The following CDH18 variants were observed in gnomAD, a reference collection of about 807,000 sequenced individuals.
CDH18 encodes the protein cadherin-18.
Under a neutral mutation model 67.9 loss-of-function variants are expected in CDH18, and 31 were observed. The observed-to-expected ratio is 0.46, with a 90% confidence interval of 0.34 to 0.62. The LOEUF is 0.62. Among genes scored for constraint, CDH18 ranks in the 20% least tolerant of loss-of-function variants. The pLI is 0.01. For missense variants in CDH18, 890 were observed against 975.5 expected, an observed-to-expected ratio of 0.91 and a Z score of 1.17; for synonymous variants, 362 against 347.2, an observed-to-expected ratio of 1.04 and a Z score of -0.48.
At chr5:20,299,856 C>A (rs1747829123) in intron 1 of CDH18, among the ~76,000 whole-genome samples, 2 of 151,044 alleles carry the variant, frequency 1.3e-5, no homozygotes, top group South Asian at 2.1e-4. Context: ...CTTAGTTTTG[C>A]AAATAGTCAA....
At chr5:20,435,419 A>G (rs1749093557) in intron 1 of CDH18, among the ~76,000 whole-genome samples, 1 of 152,066 alleles carries the variant, frequency 6.6e-6, no homozygotes, top group South Asian at 2.1e-4. Flanking sequence ...TCCATCAGGG[A>G]CTTTCTAGAT....
chr5:20,274,838 G>A (rs1745687368), intron 1 of CDH18, among the ~76,000 whole-genome samples: 1 of 152,074 alleles, frequency 6.6e-6, no homozygotes, highest in African/African-American at 2.4e-5. Flanking sequence ...TATAATCAAT[G>A]TAAATTATTT....
At chr5:20,025,060 G>T (rs1002790661) in intron 2 of CDH18, among the ~76,000 whole-genome samples, 1 of 152,100 alleles carries the variant, frequency 6.6e-6, no homozygotes. Context: ...ATCCTTGAAC[G>T]TTCTGTTCCT....
intron 8 of CDH18, among the ~76,000 whole-genome samples, chr5:19,560,085 T>C (rs1416184856): frequency 1.3e-5 from 2 of 152,032 alleles, no homozygotes; most frequent in Non-Finnish European, 2.9e-5. Flanking sequence ...ATGGCCATAC[T>C]GCCAAAAGCA....
intron 2 of CDH18, among the ~76,000 whole-genome samples, chr5:19,936,685 A>C (rs1794307186): frequency 6.6e-6 from 1 of 151,048 alleles, no homozygotes; most frequent in South Asian, 2.1e-4. Flanking sequence ...TTTGGGTAAA[A>C]TGTTGAGATT....
intron 11 of CDH18, among the ~76,000 whole-genome samples, chr5:19,498,491 T>A (rs1742708412): frequency 2.6e-5 from 4 of 152,210 alleles, no homozygotes; most frequent in Admixed American, 2.6e-4. Flanking sequence ...TTGATACCAC[T>A]GCACTTCCTT....
chr5:20,391,212 C>CATAAACACATAT (rs1233021239), intron 1 of CDH18, among the ~76,000 whole-genome samples: 2 of 151,880 alleles, frequency 1.3e-5, no homozygotes, highest in African/African-American at 4.8e-5. Flanking sequence ...ATATATATAA[C>CATAAACACATAT]ATAAACACAT....
intron 2 of CDH18, among the ~76,000 whole-genome samples, chr5:20,155,359 T>C (rs1431748820): frequency 6.6e-6 from 1 of 152,154 alleles, no homozygotes; most frequent in African/African-American, 2.4e-5. Context: ...GTTGCTTTTA[T>C]AGTATTGCTA....
intron 2 of CDH18, among the ~76,000 whole-genome samples, chr5:19,908,849 C>T (rs1361778996): frequency 6.6e-6 from 1 of 152,012 alleles, no homozygotes; most frequent in African/African-American, 2.4e-5. Flanking sequence ...TGCAGGTTTC[C>T]CTAAATCCAA....
At chr5:19,820,290 G>A (rs1033330132) in intron 3 of CDH18, among the ~76,000 whole-genome samples, 16 of 152,120 alleles carry the variant, frequency 1.1e-4, no homozygotes, top group African/African-American at 3.6e-4. Flanking sequence ...CTAGCAATCC[G>A]GGCACAGAAG....
At chr5:20,101,606 T>C (rs1225610918) in intron 2 of CDH18, among the ~76,000 whole-genome samples, 5 of 152,154 alleles carry the variant, frequency 3.3e-5, no homozygotes, top group African/African-American at 9.7e-5. Flanking sequence ...CCAGCAATAA[T>C]GACAATCGTA....
At chr5:20,257,586 A>G (rs1744345017) in intron 1 of CDH18, among the ~76,000 whole-genome samples, 1 of 152,106 alleles carries the variant, frequency 6.6e-6, no homozygotes, top group South Asian at 2.1e-4. Flanking sequence ...ACTGCTTAAT[A>G]TCTGACAAAA....
At chr5:20,125,185 G>T (rs1748715780) in intron 2 of CDH18, among the ~76,000 whole-genome samples, 1 of 152,184 alleles carries the variant, frequency 6.6e-6, no homozygotes, top group South Asian at 2.1e-4. Flanking sequence ...TTTTGCCTGA[G>T]AATTTTTTAG....
intron 2 of CDH18, among the ~76,000 whole-genome samples, chr5:19,997,321 T>G (rs1736097848): frequency 6.6e-6 from 1 of 152,150 alleles, no homozygotes; most frequent in African/African-American, 2.4e-5. Flanking sequence ...GGCTGTACAC[T>G]GTTATAGCAC....
chr5:20,334,751 CA>C (rs1739561143), intron 1 of CDH18, among the ~76,000 whole-genome samples: 1 of 100,860 alleles, frequency 9.9e-6, no homozygotes, highest in African/African-American at 6.0e-5. Flanking sequence ...CTCTCTCTCT[CA>C]TACACACACA....
At chr5:19,684,329 A>G (rs1383516609) in intron 5 of CDH18, among the ~76,000 whole-genome samples, 1 of 151,674 alleles carries the variant, frequency 6.6e-6, no homozygotes, top group Non-Finnish European at 1.5e-5. Flanking sequence ...TCTACCAAAT[A>G]TATATGAATT....
chr5:19,865,256 A>G (rs1175810291), intron 2 of CDH18, among the ~76,000 whole-genome samples: 2 of 152,114 alleles, frequency 1.3e-5, no homozygotes, highest in Non-Finnish European at 2.9e-5. Context: ...GTCAAATACC[A>G]AGCATGAGAC....
Position 19,838,955 on chromosome 5 carries a change from G to A in CDH18, c.32C>T (p.Pro11Leu), listed in dbSNP as rs377183618. 1 of 1,613,714 alleles carries A rather than the reference G, an allele frequency of 6.2e-7. No homozygotes were observed. The highest frequency in any genetic ancestry group is 1.1e-5 in the South Asian group (1 of 91,072). MKITSTSCIC[P>L]VLVCLCFVQR... ...CACAAAACAGAGACACACTAGGACT[G>A]GACAGATGCAAGATGTGCTAGTAAT... is the stretch of plus-strand genomic sequence containing the variant. Residue 11 changes from proline (P) to leucine (L), a missense_variant, in exon 3 of 13, where the codon CCA becomes CTA. Pro to Leu is a moderately conservative substitution (Grantham distance 98). Coordinates refer to ENST00000382275, the MANE Select transcript of CDH18 (RefSeq NM_004934.5).
intron 1 of CDH18, among the ~76,000 whole-genome samples, chr5:20,265,241 T>C (rs1236517575): frequency 1.3e-5 from 2 of 152,170 alleles, no homozygotes; most frequent in Non-Finnish European, 2.9e-5. Flanking sequence ...CAAACTTTTT[T>C]TTCCTGGTTA....
Sources: gnomAD v4.1 joint callset for allele counts (sites outside exome capture counted in the v4.1 genomes callset) on GRCh38, gnomAD v4.1.1 for gene constraint, MANE v1.5 for transcripts, NCBI Gene and HGNC (gene_info 2026-07-23, HGNC 2026-07-21) for gene names.